CCDC144A: variants seen among roughly 807,000 people sequenced by gnomAD.
The protein encoded by CCDC144A is coiled-coil domain containing 144A, also known as coiled-coil domain-containing protein 144A.
In CCDC144A, 41 loss-of-function variants were observed where a neutral mutation model predicts 143.8. The ratio of observed to expected loss-of-function variants is 0.29; its 90% CI spans 0.22 to 0.37. The LOEUF is 0.37. Ranked by LOEUF, CCDC144A falls within the 10% of genes least tolerant of loss-of-function variation. The probability of loss-of-function intolerance (pLI) is 1.00; values close to 1 mark genes in which losing one functional copy is unlikely to be tolerated. For synonymous variants in CCDC144A, 242 were observed against 517.9 expected (o/e 0.47, Z 7.23); for missense variants, 637 against 1,488.8 (o/e 0.43, Z 9.41).
chr17:16,702,414 C>G (rs1429383515), intron 2 of CCDC144A, among the ~76,000 whole-genome samples: 6 of 152,202 alleles, frequency 3.9e-5, no homozygotes, highest in Non-Finnish European at 1.5e-5. Flanking sequence ...ACTCAGTAAA[C>G]ATTGCCAGCA....
At chr17:16,752,427 A>G (rs1203067894) in intron 12 of CCDC144A, among the ~76,000 whole-genome samples, 1 of 152,098 alleles carries the variant, frequency 6.6e-6, no homozygotes, top group Non-Finnish European at 1.5e-5. Flanking sequence ...ACACTGACAT[A>G]TGAACTTGGG....
intron 12 of CCDC144A, among the ~76,000 whole-genome samples, chr17:16,749,845 CCTT>C (rs1226550139): frequency 6.6e-6 from 1 of 152,020 alleles, no homozygotes. Context: ...TGTGTAATGC[CCTT>C]CTTCATCCTT....
upstream of CCDC144A, among the ~76,000 whole-genome samples, chr17:16,685,327 T>C (rs536661221): frequency 6.6e-6 from 1 of 151,722 alleles, no homozygotes; most frequent in South Asian, 2.1e-4. Context: ...ATTTATTTCT[T>C]TTCCATGCCT....
At chr17:16,670,705 C>T in the CCDC144A span, among the ~76,000 whole-genome samples, 1 of 151,586 alleles carries the variant, frequency 6.6e-6, no homozygotes, top group African/African-American at 2.4e-5. Flanking sequence ...GACAGGGTTT[C>T]GCCATGGTGT....
At chr17:16,713,810 C>G (rs537434850) in intron 6 of CCDC144A, among the ~76,000 whole-genome samples, 3 of 152,186 alleles carry the variant, frequency 2.0e-5, no homozygotes, top group African/African-American at 7.2e-5. Context: ...AAAAATACAG[C>G]TAAACAAGAA....
At chr17:16,756,076 T>C (rs1325880221) in intron 12 of CCDC144A, among the ~76,000 whole-genome samples, 2 of 152,368 alleles carry the variant, frequency 1.3e-5, no homozygotes, top group East Asian at 1.9e-4. Context: ...TCTGATGTGC[T>C]GCAGAGAAGA....
At chr17:16,744,758 A>G (rs1914416431) in intron 12 of CCDC144A, among the ~76,000 whole-genome samples, 1 of 150,876 alleles carries the variant, frequency 6.6e-6, no homozygotes, top group African/African-American at 2.4e-5. Flanking sequence ...CAAAATTTTT[A>G]CTTAATAAAT....
intron 6 of CCDC144A, among the ~76,000 whole-genome samples, chr17:16,716,812 GTT>G (rs1281244236): frequency 1.5e-5 from 2 of 131,212 alleles, no homozygotes; most frequent in Non-Finnish European, 3.3e-5. Flanking sequence ...GATTCCAGCT[GTT>G]TTTTTTTTTT....
chr17:16,726,496 T>G (rs1406809475), intron 8 of CCDC144A, among the ~76,000 whole-genome samples: 2 of 151,582 alleles, frequency 1.3e-5, no homozygotes, highest in Non-Finnish European at 2.9e-5. Context: ...TTGATCTTTC[T>G]GATCTTGCTT....
At chr17:16,734,607 C>T (rs1231876817) in intron 11 of CCDC144A, 83 bp from the exon 12 acceptor site, 3 of 1,348,970 alleles carry the variant, frequency 2.2e-6, no homozygotes, top group Non-Finnish European at 2.0e-6. Context: ...GCAATCTTTT[C>T]ATTGTATACA....
At chr17:16,668,163 T>C in the CCDC144A span, among the ~76,000 whole-genome samples, 1 of 148,052 alleles carries the variant, frequency 6.8e-6, no homozygotes, top group Non-Finnish European at 1.5e-5. Flanking sequence ...GAAGTTTTAC[T>C]TCATCTCCTA....
intron 12 of CCDC144A, among the ~76,000 whole-genome samples, chr17:16,742,788 G>A (rs185660818): frequency 6.6e-6 from 1 of 151,852 alleles, no homozygotes; most frequent in Non-Finnish European, 1.5e-5. Flanking sequence ...TATCTTATTT[G>A]GGATTTTGTT....
intron 8 of CCDC144A, among the ~76,000 whole-genome samples, chr17:16,723,556 T>C (rs902700944): frequency 1.3e-5 from 2 of 152,194 alleles, no homozygotes; most frequent in Non-Finnish European, 2.9e-5. Context: ...ACAACAGAAA[T>C]AGATTTCTCA....
rs1913787974 is a variant in CCDC144A, at chr17:16,732,559, G to A, written c.2311G>A (p.Ala771Thr). 1.2e-6 allele frequency: 2 copies of A among 1,609,420 alleles called. No individual in the cohort carries two copies. The highest frequency in any genetic ancestry group is 1.7e-6 in the Non-Finnish European group (2 of 1,178,430). Reference protein sequence around the residue: ...LDLVVQERNDAQKQLSEEQDA... With the variant: ...LDLVVQERNDTQKQLSEEQDA... ...CTAGGTTGTGCAGGAGAGAAACGAT[G>A]CCCAGAAGCAACTTTCTGAAGAACA... Residue 771 changes from alanine to threonine, a missense_variant, in exon 11 of 17, where the codon GCC becomes ACC. Ala to Thr is a moderately conservative substitution (Grantham distance 58). Coordinates refer to ENST00000399273, the MANE Select transcript of CCDC144A (RefSeq NM_001382000.1).
chr17:16,696,091 T>C (rs1336166032), intron 2 of CCDC144A, among the ~76,000 whole-genome samples: 2 of 152,196 alleles, frequency 1.3e-5, no homozygotes. Context: ...CTTGGCTCAC[T>C]GCAACCTCCG....
At chr17:16,765,879 G>A (rs990446215) in intron 15 of CCDC144A, 4 of 152,244 alleles carry the variant, frequency 2.6e-5, no homozygotes, top group Non-Finnish European at 5.9e-5. Flanking sequence ...TCTGTAAATG[G>A]TTAAGCAAGA....
intron 15 of CCDC144A, among the ~76,000 whole-genome samples, chr17:16,771,400 G>T (rs1218917112): frequency 2.0e-5 from 3 of 152,232 alleles, no homozygotes; most frequent in Non-Finnish European, 2.9e-5. Context: ...TATGAATGAA[G>T]AAATGTTAAT....
Position 16,711,719 on chromosome 17 carries a change from A to G in CCDC144A, c.1619A>G (p.Glu540Gly). Residue 540 changes from glutamate (E) to glycine (G), a missense_variant, in exon 6 of 17, where the codon GAA (glutamate) becomes GGA (glycine). Glu to Gly is a moderately conservative substitution (Grantham distance 98, BLOSUM62 -2). Transcript: ENST00000399273. ...GAGAAGCACAGAAGTAATAGCACAG[A>G]ATTATCAGGAACCCTAACTGATGGT... ...EMEKHRSNSTELSGTLTDGTT... is the reference protein window; with the variant it reads ...EMEKHRSNSTGLSGTLTDGTT... 1 of 1,592,460 alleles carries G rather than the reference A, an allele frequency of 6.3e-7. No homozygotes were observed.
intron 12 of CCDC144A, among the ~76,000 whole-genome samples, chr17:16,750,200 A>G (rs1281786015): frequency 6.6e-6 from 1 of 151,924 alleles, no homozygotes; most frequent in Non-Finnish European, 1.5e-5. Context: ...TGGGCTATGT[A>G]CTTAGGTGTG....
Sources: gnomAD v4.1 joint callset for allele counts (sites outside exome capture counted in the v4.1 genomes callset) on GRCh38, gnomAD v4.1.1 for gene constraint, MANE v1.5 for transcripts, NCBI Gene and HGNC (gene_info 2026-07-23, HGNC 2026-07-21) for gene names.